ZDHHC14: variants seen among roughly 807,000 people sequenced by gnomAD.
The protein encoded by ZDHHC14 is palmitoyltransferase ZDHHC14.
Under a neutral mutation model 47.7 loss-of-function variants are expected in ZDHHC14, and 16 were observed. That is an observed-to-expected ratio of 0.34 (90% confidence interval 0.23 to 0.51). The LOEUF is 0.51. Ranked by LOEUF, ZDHHC14 falls within the 20% of genes least tolerant of loss-of-function variation. The pLI, the probability that ZDHHC14 is intolerant of heterozygous loss-of-function variation, is 0.97. For missense variants in ZDHHC14, 515 were observed against 662.5 expected (o/e 0.78, Z 2.44); for synonymous variants, 293 against 278.9 (o/e 1.05, Z -0.50).
At chr6:157,480,563 G>C (rs190365782) in intron 1 of ZDHHC14, among the ~76,000 whole-genome samples, 1 of 152,202 alleles carries the variant, frequency 6.6e-6, no homozygotes, top group Admixed American at 6.5e-5. Flanking sequence ...CACTGTGCCC[G>C]GCCTAGGCCA....
At chr6:157,640,608 G>C (rs1403529314) in intron 5 of ZDHHC14, among the ~76,000 whole-genome samples, 1 of 152,148 alleles carries the variant, frequency 6.6e-6, no homozygotes, top group African/African-American at 2.4e-5. Context: ...GACTTACTCA[G>C]GGGTGTCCAG....
chr6:157,572,058 T>G (rs1554268541), intron 2 of ZDHHC14, among the ~76,000 whole-genome samples: 1 of 152,142 alleles, frequency 6.6e-6, no homozygotes, highest in Admixed American at 6.6e-5. Context: ...GATTCATTTC[T>G]AATAAGCTTC....
In ZDHHC14 at chr6:157,672,888, G is replaced by A. The variant is rs201858513; in HGVS notation, c.1233G>A (p.Pro411=). 864 of 1,605,902 alleles carry A rather than the reference G, an allele frequency of 5.4e-4. 5 individuals are homozygous for A. The highest frequency in any genetic ancestry group is 8.2e-4 in the African/African-American group (61 of 74,822). ...CASLTLGPPT[P]PASMPNLAEA... ...GCCTCACACTGGGCCCGCCCACACC[G>A]CCCGCCTCCATGCCCAACCTCGCCG... The change falls in exon 9 of 9, where the codon CCG becomes CCA. Residue 411 remains proline, a synonymous_variant. Transcript: ENST00000359775.
chr6:157,533,316 C>T (rs916412217), intron 1 of ZDHHC14, among the ~76,000 whole-genome samples: 12 of 151,942 alleles, frequency 7.9e-5, no homozygotes, highest in Non-Finnish European at 1.6e-4. Context: ...TAACAGTGTG[C>T]CAAGTGGGGA....
intron 2 of ZDHHC14, among the ~76,000 whole-genome samples, chr6:157,565,635 A>C (rs1782872444): frequency 6.6e-6 from 1 of 152,166 alleles, no homozygotes; most frequent in Non-Finnish European, 1.5e-5. Context: ...ACTGGCCAAC[A>C]TGGAGAAACC....
At chr6:157,638,916 G>A (rs1035583798) in intron 5 of ZDHHC14, among the ~76,000 whole-genome samples, 10 of 152,204 alleles carry the variant, frequency 6.6e-5, no homozygotes, top group African/African-American at 2.2e-4. Flanking sequence ...CCCAGGCAGC[G>A]CCCACAGCCT....
At chr6:157,458,849 A>ATTTTTTTTTTTTTTTT (rs750975822) in intron 1 of ZDHHC14, among the ~76,000 whole-genome samples, 3,373 of 81,058 alleles carry the variant, frequency 0.042, 554 homozygotes, top group East Asian at 0.09. Context: ...ATGTGGGTGG[A>ATTTTTTTTTTTTTTTT]TTTTTTTTTT....
chr6:157,407,411 G>A (rs2114753886), intron 1 of ZDHHC14, among the ~76,000 whole-genome samples: 1 of 152,282 alleles, frequency 6.6e-6, no homozygotes, highest in African/African-American at 2.4e-5. Context: ...AGTCGCAGCT[G>A]TTTTATACTC....
chr6:157,625,331 C>G (rs1169685641), intron 3 of ZDHHC14, among the ~76,000 whole-genome samples: 3 of 152,048 alleles, frequency 2.0e-5, no homozygotes, highest in African/African-American at 7.2e-5. Flanking sequence ...TCTGAAGAGG[C>G]ACGTGTTTGG....
intron 1 of ZDHHC14, among the ~76,000 whole-genome samples, chr6:157,476,911 A>G (rs1779498970): frequency 6.6e-6 from 1 of 152,208 alleles, no homozygotes; most frequent in Non-Finnish European, 1.5e-5. Flanking sequence ...CAACACAGTA[A>G]AGGTCATATA....
At chr6:157,592,897 T>C in intron 2 of ZDHHC14, 91 bp from the exon 3 acceptor site, 1 of 1,501,268 alleles carries the variant, frequency 6.7e-7, no homozygotes, top group Admixed American at 2.4e-5. Flanking sequence ...CTGTGCCTGC[T>C]GCCCTGGAGC....
chr6:157,464,108 G>A (rs1053731825), intron 1 of ZDHHC14, among the ~76,000 whole-genome samples: 1 of 152,290 alleles, frequency 6.6e-6, no homozygotes, highest in Admixed American at 6.5e-5. Flanking sequence ...AACATAAGCT[G>A]TAATAGAAGT....
chr6:157,600,196 A>G (rs957572812), intron 3 of ZDHHC14, among the ~76,000 whole-genome samples: 2 of 152,200 alleles, frequency 1.3e-5, no homozygotes, highest in Non-Finnish European at 2.9e-5. Flanking sequence ...AACATGCAGA[A>G]TAAAACCCCC....
intron 3 of ZDHHC14, among the ~76,000 whole-genome samples, chr6:157,624,337 G>GT (rs1785318321): frequency 6.6e-6 from 1 of 152,214 alleles, no homozygotes; most frequent in Non-Finnish European, 1.5e-5. Context: ...AGGTCTCCCT[G>GT]CTTTTCCATG....
rs576272384 is a variant in ZDHHC14, at chr6:157,592,708, G to C, written c.407-280G>C. 1.7e-5 allele frequency: 20 copies of C among 1,172,482 alleles called. No homozygotes were observed. The South Asian group carries it at 5.9e-4, about 35-fold the overall frequency. The allele number at this position is 1,172,482 out of a possible 1,614,324, so 72.6% of individuals were successfully genotyped here. The stretch of plus-strand genomic sequence containing the variant: ...GGAGGGGAGGGGGAAGGAGGAAAAG[G>C]GCGGGGCTCCACAGGGAGGGCCTGG... On this transcript the variant is annotated intron_variant, in intron 2 of 8. Coordinates refer to ENST00000359775, the MANE Select transcript of ZDHHC14 (RefSeq NM_024630.3).
intron 7 of ZDHHC14, among the ~76,000 whole-genome samples, chr6:157,649,356 T>C (rs928769386): frequency 6.6e-6 from 1 of 152,198 alleles, no homozygotes; most frequent in South Asian, 2.1e-4. Flanking sequence ...GGCCGTAGCT[T>C]TCCTTGGGTC....
chr6:157,632,415 T>C (rs748004793), intron 4 of ZDHHC14: 4 of 177,368 alleles, frequency 2.3e-5, no homozygotes, highest in Non-Finnish European at 4.8e-5. Flanking sequence ...TTACTCTGGG[T>C]GTAGAAAAAG....
chr6:157,506,744 G>A (rs947490243), intron 1 of ZDHHC14, among the ~76,000 whole-genome samples: 3 of 152,158 alleles, frequency 2.0e-5, no homozygotes, highest in Non-Finnish European at 4.4e-5. Context: ...GTCCCTGGGG[G>A]AATGTTAATG....
intron 2 of ZDHHC14, among the ~76,000 whole-genome samples, chr6:157,552,780 C>T (rs765816716): frequency 2.0e-4 from 30 of 152,256 alleles, no homozygotes; most frequent in Admixed American, 2.6e-4. Flanking sequence ...TGTTTCCTAG[C>T]GGCCCCAGGA....
Sources: gnomAD v4.1 joint callset for allele counts (sites outside exome capture counted in the v4.1 genomes callset) on GRCh38, gnomAD v4.1.1 for gene constraint, MANE v1.5 for transcripts, NCBI Gene and HGNC (gene_info 2026-07-23, HGNC 2026-07-21) for gene names.